The following PIP5K1B variants were observed in gnomAD, a reference collection of about 807,000 sequenced individuals.
PIP5K1B encodes the protein phosphatidylinositol-4-phosphate 5-kinase type 1 beta, also known as phosphatidylinositol 4-phosphate 5-kinase type-1 beta.
In PIP5K1B, 42 loss-of-function variants were observed where a neutral mutation model predicts 67.0. That is an observed-to-expected ratio of 0.63 (90% confidence interval 0.49 to 0.81). The LOEUF is 0.81. PIP5K1B is among the 30% of genes least tolerant of loss of function. The pLI is 0.00. For synonymous variants in PIP5K1B, 214 were observed against 231.4 expected, an observed-to-expected ratio of 0.92 and a Z score of 0.68; for missense variants, 459 against 646.3, an observed-to-expected ratio of 0.71 and a Z score of 3.14.
intron 1 of PIP5K1B, among the ~76,000 whole-genome samples, chr9:68,707,073 G>C (rs1827159559): frequency 6.6e-6 from 1 of 152,184 alleles, no homozygotes; most frequent in Non-Finnish European, 1.5e-5. Flanking sequence ...GTGTAAACCA[G>C]TGGGAGGTTG....
chr9:68,780,121 C>G, intron 2 of PIP5K1B: 1 of 1,490,528 alleles, frequency 6.7e-7, no homozygotes, highest in Non-Finnish European at 8.9e-7. Flanking sequence ...AATGGGAATC[C>G]TAGGTCCCTG....
At chr9:68,798,647 T>C (rs997189650) in intron 2 of PIP5K1B, among the ~76,000 whole-genome samples, 2 of 152,062 alleles carry the variant, frequency 1.3e-5, no homozygotes, top group Non-Finnish European at 2.9e-5. Flanking sequence ...CATGGAGAGC[T>C]AGGCAGGCAA....
rs540844211 is a variant in PIP5K1B at position 68,774,018 on chromosome 9, C to A, written c.-86+31361C>A. On this transcript the variant is annotated intron_variant, in intron 2 of 15. Transcript: ENST00000265382. ...ATGCTACTTTAATTCTGTTCCATTT[C>A]ATGAATTATTCTAGGAGGATACCAC... Among the ~76,000 whole-genome samples the A allele has an allele frequency of 2.6e-4, 39 of 152,236 alleles. 1 individual carries two copies. The South Asian group carries it at 6.4e-3, about 25-fold the overall frequency.
chr9:68,867,547 A>G (rs930707151), intron 5 of PIP5K1B, among the ~76,000 whole-genome samples: 1 of 152,238 alleles, frequency 6.6e-6, no homozygotes, highest in Non-Finnish European at 1.5e-5. Context: ...TTTGGTCCCC[A>G]GGCCCTGCCA....
chr9:68,986,034 G>C (rs150155134), intron 14 of PIP5K1B, among the ~76,000 whole-genome samples: 120 of 152,206 alleles, frequency 7.9e-4, no homozygotes, highest in African/African-American at 2.7e-3. Flanking sequence ...TCCACTTTCT[G>C]GCTACTATGA....
chr9:68,961,686 A>T (rs1437032182), intron 14 of PIP5K1B, among the ~76,000 whole-genome samples: 1 of 152,120 alleles, frequency 6.6e-6, no homozygotes, highest in Non-Finnish European at 1.5e-5. Flanking sequence ...AGCTTGATGG[A>T]AGCCGAGTTG....
At chr9:68,871,522 A>G (rs924513270) in intron 5 of PIP5K1B, among the ~76,000 whole-genome samples, 1 of 152,258 alleles carries the variant, frequency 6.6e-6, no homozygotes, top group African/African-American at 2.4e-5. Context: ...GACAAGCAGT[A>G]GCTTTGGCCT....
intron 6 of PIP5K1B, among the ~76,000 whole-genome samples, chr9:68,878,546 CTGTACCTAGCAAAAGG>C: frequency 6.6e-6 from 1 of 152,176 alleles, no homozygotes; most frequent in Non-Finnish European, 1.5e-5. Flanking sequence ...GTCTTTGTCC[CTGTACCTAGCAAAAGG>C]TAAATTAATC....
intron 2 of PIP5K1B, among the ~76,000 whole-genome samples, chr9:68,743,224 T>TC (rs1829103763): frequency 6.6e-6 from 1 of 151,594 alleles, no homozygotes; most frequent in Non-Finnish European, 1.5e-5. Flanking sequence ...TTTTTTTTTT[T>TC]CGAAACAGGG....
chr9:68,797,348 G>A (rs550829058), intron 2 of PIP5K1B, among the ~76,000 whole-genome samples: 1 of 152,254 alleles, frequency 6.6e-6, no homozygotes, highest in African/African-American at 2.4e-5. Context: ...GGAGACAAGG[G>A]GTACATGATG....
At chr9:68,757,284 T>C (rs186085738) in intron 2 of PIP5K1B, among the ~76,000 whole-genome samples, 1 of 152,328 alleles carries the variant, frequency 6.6e-6, no homozygotes, top group East Asian at 1.9e-4. Context: ...TTTAATTTTC[T>C]ATTTTAAAAG....
At chr9:68,755,600 AGTT>A (rs1829887016) in intron 2 of PIP5K1B, among the ~76,000 whole-genome samples, 1 of 152,224 alleles carries the variant, frequency 6.6e-6, no homozygotes, top group East Asian at 1.9e-4. Context: ...TGATATTTAC[AGTT>A]GTTTTGTGTC....
chr9:68,711,328 T>C (rs1245797991), intron 1 of PIP5K1B, among the ~76,000 whole-genome samples: 3 of 152,206 alleles, frequency 2.0e-5, no homozygotes, highest in African/African-American at 7.2e-5. Flanking sequence ...ATATGTTTGG[T>C]AATAAAGTAA....
intron 14 of PIP5K1B, among the ~76,000 whole-genome samples, chr9:68,966,317 A>G (rs1235997158): frequency 1.3e-5 from 2 of 152,324 alleles, no homozygotes; most frequent in East Asian, 3.9e-4. Flanking sequence ...TCCAAAAAGT[A>G]CAGCATGGAA....
chr9:68,911,698 C>T (rs1256549086), intron 8 of PIP5K1B, among the ~76,000 whole-genome samples: 1 of 152,010 alleles, frequency 6.6e-6, no homozygotes, highest in Non-Finnish European at 1.5e-5. Flanking sequence ...CAAGACCAGC[C>T]TGGGCAGCAA....
At chr9:68,961,144 A>T (rs1333590653) in intron 14 of PIP5K1B, among the ~76,000 whole-genome samples, 1 of 149,936 alleles carries the variant, frequency 6.7e-6, no homozygotes, top group African/African-American at 2.5e-5. Flanking sequence ...CGGGAAGCGG[A>T]GCTTGCAGTG....
chr9:68,897,767 TCTTAAC>T (rs1290081119), intron 8 of PIP5K1B, among the ~76,000 whole-genome samples: 1 of 152,194 alleles, frequency 6.6e-6, no homozygotes, highest in African/African-American at 2.4e-5. Context: ...TTGTTAAGCC[TCTTAAC>T]CTATGGCTGA....
chr9:68,792,328 G>A (rs565478720), intron 2 of PIP5K1B, among the ~76,000 whole-genome samples: 2 of 152,314 alleles, frequency 1.3e-5, no homozygotes, highest in South Asian at 2.1e-4. Context: ...ATGGTACACA[G>A]TTTCTGTTTT....
chr9:68,731,095 T>C (rs1480799316), intron 1 of PIP5K1B, among the ~76,000 whole-genome samples: 6 of 152,190 alleles, frequency 3.9e-5, no homozygotes, highest in African/African-American at 1.4e-4. Flanking sequence ...CCTTTCAATA[T>C]GTGTGATAAT....
Sources: allele counts gnomAD v4.1 joint callset (sites outside exome capture counted in the v4.1 genomes callset), GRCh38; gene constraint gnomAD v4.1.1; transcripts MANE v1.5; gene names NCBI Gene and HGNC (gene_info 2026-07-23, HGNC 2026-07-21).